The following ZNF521 variants were observed in gnomAD, a reference collection of about 807,000 sequenced individuals.
ZNF521 encodes zinc finger protein 521.
In ZNF521, 14 loss-of-function variants were observed where a neutral mutation model predicts 105.5. The observed-to-expected ratio is 0.13, with a 90% CI of 0.09 to 0.21. The LOEUF (loss-of-function observed/expected upper bound fraction) is 0.21, where lower values mean the gene tolerates loss of function less well. Among genes scored for constraint, ZNF521 ranks in the 10% least tolerant of loss-of-function variants. The pLI is 1.00. For synonymous variants in ZNF521, 635 were observed against 606.0 expected (o/e 1.05, Z -0.70); for missense variants, 1,233 against 1,629.7 (o/e 0.76, Z 4.19).
chr18:25,143,796 C>A (rs1284926231), intron 5 of ZNF521, among the ~76,000 whole-genome samples: 2 of 152,076 alleles, frequency 1.3e-5, no homozygotes, highest in African/African-American at 4.8e-5. Flanking sequence ...AGACTAGAAG[C>A]AACAGAAATA....
chr18:25,100,054 A>C (rs2144252868), intron 5 of ZNF521, among the ~76,000 whole-genome samples: 1 of 150,392 alleles, frequency 6.6e-6, no homozygotes, highest in South Asian at 2.1e-4. Flanking sequence ...TGCTGAGTTT[A>C]TGGCAAGGGT....
chr18:25,077,946 A>C (rs1483697496), intron 7 of ZNF521, among the ~76,000 whole-genome samples: 1 of 152,200 alleles, frequency 6.6e-6, no homozygotes, highest in Non-Finnish European at 1.5e-5. Context: ...AGAAGAAAAA[A>C]AAAACATTTA....
At chr18:25,242,188 CTA>C (rs1156817008) in intron 3 of ZNF521, among the ~76,000 whole-genome samples, 3 of 152,138 alleles carry the variant, frequency 2.0e-5, no homozygotes, top group Non-Finnish European at 4.4e-5. Context: ...TTAAAGCCAT[CTA>C]AAAATGGAAG....
At chr18:25,130,773 T>C (rs908939028) in intron 5 of ZNF521, among the ~76,000 whole-genome samples, 1 of 151,986 alleles carries the variant, frequency 6.6e-6, no homozygotes. Flanking sequence ...CGAGACCCCA[T>C]CTCTACAAAA....
intron 5 of ZNF521, among the ~76,000 whole-genome samples, chr18:25,187,379 C>A (rs1289531128): frequency 2.0e-5 from 3 of 151,716 alleles, no homozygotes; most frequent in Non-Finnish European, 4.4e-5. Flanking sequence ...TGCCTTGATT[C>A]ACTTAATTTG....
intron 5 of ZNF521, among the ~76,000 whole-genome samples, chr18:25,192,796 T>C (rs974526808): frequency 3.3e-5 from 5 of 151,862 alleles, no homozygotes; most frequent in Admixed American, 6.6e-5. Context: ...AAAGACTAAA[T>C]AGCACATTGG....
intron 5 of ZNF521, among the ~76,000 whole-genome samples, chr18:25,137,749 G>C (rs192641563): frequency 6.6e-6 from 1 of 152,278 alleles, no homozygotes; most frequent in Non-Finnish European, 1.5e-5. Flanking sequence ...AACTGGGACA[G>C]ACATCGAGTC....
In ZNF521 at chr18:25,316,276, G is replaced by T. The variant is rs141179889; in HGVS notation, c.220+5732C>A. 2.2e-4 allele frequency among the ~76,000 whole-genome samples: 30 copies of T among 137,116 alleles called. No individual in the cohort carries two copies. The East Asian group carries it at 5.8e-3, about 26-fold the overall frequency. 90.0% of individuals were successfully genotyped at this position (137,116 alleles called of 152,430 possible). A position where few individuals can be genotyped will look rare whatever the true frequency, so the allele number is the denominator to read the frequency against. The stretch of plus-strand genomic sequence containing the variant: ...AAGGACCGGAATGAGAGGAAAATCA[G>T]CAAAGATGCAAATGGGGCTGAATGA... On this transcript the variant is annotated intron_variant, in intron 3 of 7. Coordinates refer to ENST00000361524, the MANE Select transcript of ZNF521 (RefSeq NM_015461.3).
intron 3 of ZNF521, among the ~76,000 whole-genome samples, chr18:25,235,745 G>A (rs1568027416): frequency 6.6e-6 from 1 of 152,208 alleles, no homozygotes; most frequent in Non-Finnish European, 1.5e-5. Flanking sequence ...ATTTTCGGCA[G>A]CCTGAAAAGG....
At chr18:25,169,188 T>C (rs374530483) in intron 5 of ZNF521, among the ~76,000 whole-genome samples, 1 of 152,228 alleles carries the variant, frequency 6.6e-6, no homozygotes, top group Admixed American at 6.5e-5. Flanking sequence ...CTAGTTTCTA[T>C]GGAACCTACA....
At chr18:25,350,970 G>C in intron 1 of ZNF521, 23 bp from the exon 2 acceptor site, 1 of 1,539,186 alleles carries the variant, frequency 6.5e-7, no homozygotes, top group Non-Finnish European at 8.8e-7. Flanking sequence ...AGCTGAAGTT[G>C]TTTCAATTCA....
At chr18:25,215,751 A>G (rs935539035) in intron 4 of ZNF521, among the ~76,000 whole-genome samples, 2 of 152,210 alleles carry the variant, frequency 1.3e-5, no homozygotes, top group Admixed American at 6.5e-5. Context: ...AGCAAATTCA[A>G]TAATGGGGGC....
intron 3 of ZNF521, among the ~76,000 whole-genome samples, chr18:25,233,593 G>A (rs185272335): frequency 2.0e-5 from 3 of 152,002 alleles, no homozygotes; most frequent in Non-Finnish European, 2.9e-5. Flanking sequence ...TGTGAAGAGC[G>A]GGAGTTGGTG....
At position 25,289,547 on chromosome 18, in the gene ZNF521, T is replaced by C. The variant is rs536194113; in HGVS notation, c.220+32461A>G. ...GGAAGCGCATCATAAAACCAGCCCA[T>C]TGGCTGTGATGGTATTAGTAATTTT... On this transcript the variant is annotated intron_variant, in intron 3 of 7. Coordinates refer to ENST00000361524, the MANE Select transcript of ZNF521 (RefSeq NM_015461.3). Among the ~76,000 whole-genome samples, 8 of 152,336 alleles carry C rather than the reference T, an allele frequency of 5.3e-5. No homozygotes were observed. The East Asian group carries it at 1.5e-3, about 29-fold the overall frequency.
At chr18:25,254,716 G>A (rs932361748) in intron 3 of ZNF521, among the ~76,000 whole-genome samples, 2 of 152,080 alleles carry the variant, frequency 1.3e-5, no homozygotes, top group Non-Finnish European at 2.9e-5. Context: ...CTGTAAAAAT[G>A]GACTTGTCTT....
In ZNF521 at chr18:25,254,966, T is replaced by C. The variant is rs73393199; in HGVS notation, c.221-27269A>G. ...ATGAGTTAAGCCAGAAGTACAAATTTGCTACATTGTGGAAAGGCTATAAAA... is the reference window on the plus strand; with the variant it reads ...ATGAGTTAAGCCAGAAGTACAAATTCGCTACATTGTGGAAAGGCTATAAAA... On this transcript the variant is annotated intron_variant, in intron 3 of 7. Transcript: ENST00000361524. 1.9e-3 allele frequency among the ~76,000 whole-genome samples: 294 copies of C among 152,288 alleles called. 1 individual carries two copies. Among genetic ancestry groups the C allele is most frequent in the African/African-American group, 6.8e-3 (284 of 41,572 alleles).
chr18:25,212,740 T>C (rs2036215340), intron 4 of ZNF521, among the ~76,000 whole-genome samples: 1 of 151,050 alleles, frequency 6.6e-6, no homozygotes, highest in South Asian at 2.1e-4. Context: ...CAGTAATGTT[T>C]TATCATTTTT....
At chr18:25,318,179 T>C (rs148797016) in intron 3 of ZNF521, among the ~76,000 whole-genome samples, 187 of 152,252 alleles carry the variant, frequency 1.2e-3, no homozygotes, top group Non-Finnish European at 2.2e-3. Flanking sequence ...ATGGATCTCA[T>C]AGACATTATG....
At chr18:25,140,032 A>G (rs112925713) in intron 5 of ZNF521, among the ~76,000 whole-genome samples, 291 of 152,326 alleles carry the variant, frequency 1.9e-3, no homozygotes, top group African/African-American at 6.6e-3. Flanking sequence ...CTCAGCCTCC[A>G]GCACTGTGAG....
Sources: allele counts gnomAD v4.1 joint callset (sites outside exome capture counted in the v4.1 genomes callset), GRCh38; gene constraint gnomAD v4.1.1; transcripts MANE v1.5; gene names NCBI Gene and HGNC (gene_info 2026-07-23, HGNC 2026-07-21).